Variants in B4GALT7 observed in about 807,000 individuals in gnomAD.
B4GALT7 encodes the protein beta-1,4-galactosyltransferase 7.
Under a neutral mutation model 33.0 loss-of-function variants are expected in B4GALT7, and 30 were observed. The observed-to-expected ratio is 0.91, with a 90% confidence interval of 0.68 to 1.23. The LOEUF (loss-of-function observed/expected upper bound fraction) is 1.23, where lower values mean the gene tolerates loss of function less well. Among genes scored for constraint, B4GALT7 ranks in the 50% most tolerant of loss-of-function variants. The pLI is 0.00. For synonymous variants in B4GALT7, 213 were observed against 187.2 expected, an observed-to-expected ratio of 1.14 and a Z score of -1.13; for missense variants, 507 against 450.8, an observed-to-expected ratio of 1.12 and a Z score of -1.13.
At chr5:177,609,284 G>C (rs1047516820) in intron 5 of B4GALT7, among the ~76,000 whole-genome samples, 2 of 152,186 alleles carry the variant, frequency 1.3e-5, no homozygotes, top group Non-Finnish European at 2.9e-5. Flanking sequence ...CAGAATCCCA[G>C]CCACACCCGG....
chr5:177,604,999 A>G (rs370279736), intron 2 of B4GALT7: 1 of 456,076 alleles, frequency 2.2e-6, no homozygotes, highest in East Asian at 7.0e-5. Flanking sequence ...TTCCATGACC[A>G]CAGCCTGAGA....
At position 177,608,498 on chromosome 5, in the gene B4GALT7, C is replaced by CCCA. The variant is rs1768080677; in HGVS notation, c.640-41_640-40insCCA. The CCCA allele has an allele frequency of 6.4e-7, 1 of 1,568,082 alleles. No individual in the cohort carries two copies. The highest frequency in any genetic ancestry group is 1.7e-5 in the Admixed American group (1 of 59,364). ...GTAGGAGACCAAAGGCCCCCCCCCC[C>CCCA]GGGAAGATGGGCCGAGTGACGCTGC... On this transcript the variant is annotated intron_variant, in intron 3 of 5. Coordinates refer to ENST00000029410, the MANE Select transcript of B4GALT7 (RefSeq NM_007255.3). The surrounding 1 kb of genome is among the most constrained non-coding windows in gnomAD (Gnocchi z 4.1).
In B4GALT7 at chr5:177,608,809, C is replaced by T; in HGVS notation, c.724-101C>T. On this transcript the variant is annotated intron_variant, in intron 4 of 5. Coordinates refer to ENST00000029410, the MANE Select transcript of B4GALT7 (RefSeq NM_007255.3). The surrounding 1 kb of genome is among the most constrained non-coding windows in gnomAD (Gnocchi z 4.1). ...GGGCCCCAGTCTCCTCTCCTGCAGG[C>T]TGGGAGTGCAGGTCCCTTCCTGTGG... The T allele has an allele frequency of 8.4e-7, 1 of 1,196,292 alleles. No homozygotes were observed. The highest frequency in any genetic ancestry group is 2.3e-5 in the East Asian group (1 of 42,610). The allele number at this position is 1,196,292 out of a possible 1,614,324, so 74.1% of individuals were successfully genotyped here. A position where few individuals can be genotyped will look rare whatever the true frequency, so the allele number is the denominator to read the frequency against.
At chr5:177,605,089 C>T (rs1041812421) in intron 2 of B4GALT7, 25 of 454,800 alleles carry the variant, frequency 5.5e-5, no homozygotes, top group African/African-American at 4.0e-4. Flanking sequence ...CCAGCCTGAT[C>T]TTCCCACCTT....
In B4GALT7 at chr5:177,606,327, GC is replaced by G. The variant is rs1561815063; in HGVS notation, c.414-971del. On this transcript the variant is annotated intron_variant, in intron 2 of 5. Transcript: ENST00000029410. The surrounding 1 kb of genome is among the most constrained non-coding windows in gnomAD (Gnocchi z 4.2). ...AGCTGAATTGCTGGTGGCCTGCCCT[GC>G]CCCAAACCTGTAGCTCTGTCCTCTT... 6.6e-6 allele frequency: 1 copy of G among 152,484 alleles called. No homozygotes were observed. The highest frequency in any genetic ancestry group is 6.5e-5 in the Admixed American group (1 of 15,282). The allele number at this position is 152,484 out of a possible 1,614,324, so 9.4% of individuals were successfully genotyped here.
intron 1 of B4GALT7, among the ~76,000 whole-genome samples, chr5:177,603,818 A>G (rs1461127846): frequency 1.3e-5 from 2 of 152,074 alleles, no homozygotes; most frequent in African/African-American, 4.8e-5. Context: ...TTGAGCCACT[A>G]TCGTGGGGAG....
rs1345118367 is a variant in B4GALT7 at position 177,600,410 on chromosome 5, T to C, written c.50+150T>C. On this transcript the variant is annotated intron_variant, in intron 1 of 5. Coordinates refer to ENST00000029410, the MANE Select transcript of B4GALT7 (RefSeq NM_007255.3). The surrounding 1 kb of genome is among the most constrained non-coding windows in gnomAD (Gnocchi z 4.4). ...GGTTCTCCCTGTGGGTCCCTGGCGCTCTGTTCCGGTTTCTGTCTGTCCCTG... is the reference window on the plus strand; with the variant it reads ...GGTTCTCCCTGTGGGTCCCTGGCGCCCTGTTCCGGTTTCTGTCTGTCCCTG... 1 of 574,466 alleles carries C rather than the reference T, an allele frequency of 1.7e-6. No homozygotes were observed. The highest frequency in any genetic ancestry group is 2.6e-6 in the Non-Finnish European group (1 of 390,030). The allele number at this position is 574,466 out of a possible 1,614,324, so 35.6% of individuals were successfully genotyped here. A position where few individuals can be genotyped will look rare whatever the true frequency, so the allele number is the denominator to read the frequency against.
intron 2 of B4GALT7, 136 bp downstream of exon 2, chr5:177,604,677 C>G: frequency 8.6e-7 from 1 of 1,163,050 alleles, no homozygotes; most frequent in Non-Finnish European, 1.2e-6. Context: ...TGACAGGAAC[C>G]TTTGGAGAGG....
In B4GALT7 at chr5:177,604,464, GC is replaced by G; in HGVS notation, c.340del (p.His114ThrfsTer6). On this transcript the variant is annotated frameshift_variant, in exon 2 of 6. Coordinates refer to ENST00000029410, the MANE Select transcript of B4GALT7 (RefSeq NM_007255.3). LOFTEE classifies it high-confidence loss of function. The stretch of plus-strand genomic sequence containing the variant: ...GCTTCGAGGAGCTCCTGGTCTTCGT[GC>G]CCCACATGCGCCGCTTCCTGAGCAG... The part of the protein sequence containing the change: ...ERFEELLVFV[P>X]HMRRFLSRKK... The G allele has an allele frequency of 6.2e-7, 1 of 1,613,998 alleles. No individual in the cohort carries two copies. The highest frequency in any genetic ancestry group is 2.2e-5 in the East Asian group (1 of 44,880).
rs149484064 is a variant in B4GALT7 at position 177,607,451 on chromosome 5, C to G, written c.563C>G (p.Pro188Arg). 1.3e-4 allele frequency: 203 copies of G among 1,613,742 alleles called. 1 individual carries two copies. The highest frequency in any genetic ancestry group is 1.6e-4 in the Non-Finnish European group (193 of 1,180,046). The change falls in exon 3 of 6, where the codon CCG becomes CGG. Residue 188 changes from proline (P) to arginine (R), a missense_variant. Physicochemically the swap from Pro to Arg is moderately radical, Grantham distance 103. Transcript: ENST00000029410. Reference sequence around the variant, plus strand: ...GCTGGGCCCTTCCACGTGGCCTCCCCGGAGCTCCACCCTCTCTACCACTAC... The same window carrying G: ...GCTGGGCCCTTCCACGTGGCCTCCCGGGAGCTCCACCCTCTCTACCACTAC... ...PEAGPFHVAS[P>R]ELHPLYHYKT...
Position 177,608,513 on chromosome 5 carries a change from A to T in B4GALT7, c.640-26A>T. On this transcript the variant is annotated intron_variant, in intron 3 of 5. Coordinates refer to ENST00000029410, the MANE Select transcript of B4GALT7 (RefSeq NM_007255.3). This position sits in a 1 kb window ranked among gnomAD's most constrained non-coding sequence, Gnocchi z 4.1. ...CCCCCCCCCCCGGGAAGATGGGCCGAGTGACGCTGCTTGTCTCTGTGTCAG... is the reference window on the plus strand; with the variant it reads ...CCCCCCCCCCCGGGAAGATGGGCCGTGTGACGCTGCTTGTCTCTGTGTCAG... 3.3e-6 allele frequency: 5 copies of T among 1,516,694 alleles called. No homozygotes were observed. Among genetic ancestry groups the T allele is most frequent in the African/African-American group, 1.4e-5 (1 of 70,994 alleles). The allele number at this position is 1,516,694 out of a possible 1,614,324, so 94.0% of individuals were successfully genotyped here. A position where few individuals can be genotyped will look rare whatever the true frequency, so the allele number is the denominator to read the frequency against.
Position 177,609,005 on chromosome 5 carries a change from TC to T in B4GALT7, c.820del (p.Gln274LysfsTer14), listed in dbSNP as rs1381086220. The T allele has an allele frequency of 6.2e-7, 1 of 1,611,132 alleles. No individual in the cohort carries two copies. The highest frequency in any genetic ancestry group is 8.5e-7 in the Non-Finnish European group (1 of 1,179,762). Reference protein sequence around the residue: ...RKRDQKRIAAQKQEQFKVDRE... With the variant: ...RKRDQKRIAAXKQEQFKVDRE... ...AGAGGGACCAGAAGCGCATCGCAGC[TC>T]AAAAACAGGTGCTGGCAGGGCTCCT... On this transcript the variant is annotated frameshift_variant, in exon 5 of 6. Coordinates refer to ENST00000029410, the MANE Select transcript of B4GALT7 (RefSeq NM_007255.3). LOFTEE classifies it high-confidence loss of function.
chr5:177,600,730 CCT>C lies in B4GALT7; in HGVS notation c.50+472_50+473del, dbSNP rs147714273. 5.3e-3 allele frequency among the ~76,000 whole-genome samples: 800 copies of C among 152,236 alleles called. 9 individuals are homozygous for C. Among genetic ancestry groups the C allele is most frequent in the African/African-American group, 0.019 (775 of 41,532 alleles). On this transcript the variant is annotated intron_variant, in intron 1 of 5. Coordinates refer to ENST00000029410, the MANE Select transcript of B4GALT7 (RefSeq NM_007255.3). This position sits in a 1 kb window ranked among gnomAD's most constrained non-coding sequence, Gnocchi z 4.4. ...ATTCCGTTTCTCTGGTCTCTGCCTT[CCT>C]CATCACATCCATATAGCCTCAGACC...
In B4GALT7 at chr5:177,604,509, C is replaced by A; in HGVS notation, c.381C>A (p.His127Gln). 6.2e-7 allele frequency: 1 copy of A among 1,613,914 alleles called. No homozygotes were observed. The highest frequency in any genetic ancestry group is 1.1e-5 in the South Asian group (1 of 91,092). ...TGAGCAGGAAGAAGATCCGGCACCACATCTACGTGCTCAACCAGGTGGACC... is the reference window on the plus strand; with the variant it reads ...TGAGCAGGAAGAAGATCCGGCACCAAATCTACGTGCTCAACCAGGTGGACC... ...RFLSRKKIRH[H>Q]IYVLNQVDHF... Residue 127 changes from histidine to glutamine, a missense_variant, in exon 2 of 6, where the codon CAC becomes CAA. Coordinates refer to ENST00000029410, the MANE Select transcript of B4GALT7 (RefSeq NM_007255.3).
intron 5 of B4GALT7, 65 bp downstream of exon 5, chr5:177,609,079 T>C: frequency 7.0e-7 from 1 of 1,424,710 alleles, no homozygotes. Context: ...AGGCCCGGGC[T>C]TTCACCAAGT....
Position 177,609,976 on chromosome 5 carries a change from CCTT to C in B4GALT7, c.*283_*285del, listed in dbSNP as rs1166067939. 4.0e-6 allele frequency: 2 copies of C among 498,066 alleles called. No homozygotes were observed. Among genetic ancestry groups the C allele is most frequent in the Non-Finnish European group, 7.4e-6 (2 of 271,346 alleles). The allele number at this position is 498,066 out of a possible 1,614,324, so 30.9% of individuals were successfully genotyped here. A position where few individuals can be genotyped will look rare whatever the true frequency, so the allele number is the denominator to read the frequency against. ...CTTCCTGCTCACCCTACTCTGACCT[CCTT>C]CACGTGCCCAGGCCTGTGGGTAGTG... On this transcript the variant is annotated 3_prime_UTR_variant, in exon 6 of 6. Transcript: ENST00000029410.
chr5:177,607,002 C>T (rs547151255), intron 2 of B4GALT7: 5 of 474,060 alleles, frequency 1.1e-5, no homozygotes, highest in South Asian at 6.1e-5. Context: ...CCCCCCAGCA[C>T]GAACCACTGC....
Position 177,602,821 on chromosome 5 carries a change from C to T in B4GALT7, c.51-1358C>T, listed in dbSNP as rs935216604. ...ATTCAGAAGACTGAAGGGGTCTGAGCAGGGCAAGGAACAGATGAGTGAGGA... is the reference window on the plus strand; with the variant it reads ...ATTCAGAAGACTGAAGGGGTCTGAGTAGGGCAAGGAACAGATGAGTGAGGA... On this transcript the variant is annotated intron_variant, in intron 1 of 5. Coordinates refer to ENST00000029410, the MANE Select transcript of B4GALT7 (RefSeq NM_007255.3). The T allele has an allele frequency of 1.0e-5, 10 of 983,540 alleles. No individual in the cohort carries two copies. In the African/African-American group the frequency reaches 1.8e-4, roughly 17 times the overall value. 60.9% of individuals were successfully genotyped at this position (983,540 alleles called of 1,614,324 possible).
In B4GALT7 at chr5:177,608,487, G is replaced by GCCCC. The variant is rs71585644; in HGVS notation, c.640-44_640-41dup. 94 of 1,323,444 alleles carry GCCCC rather than the reference G, an allele frequency of 7.1e-5. 3 individuals are homozygous for GCCCC. In the African/African-American group the frequency reaches 1.3e-3, roughly 18 times the overall value. The allele number at this position is 1,323,444 out of a possible 1,614,324, so 82.0% of individuals were successfully genotyped here. A position where few individuals can be genotyped will look rare whatever the true frequency, so the allele number is the denominator to read the frequency against. The stretch of plus-strand genomic sequence containing the variant: ...ACTCCCGAGCGGTAGGAGACCAAAG[G>GCCCC]CCCCCCCCCCCGGGAAGATGGGCCG... On this transcript the variant is annotated intron_variant, in intron 3 of 5. Transcript: ENST00000029410. This position sits in a 1 kb window ranked among gnomAD's most constrained non-coding sequence, Gnocchi z 4.1.
Sources: allele counts gnomAD v4.1 joint callset (sites outside exome capture counted in the v4.1 genomes callset), GRCh38; gene constraint gnomAD v4.1.1; non-coding constraint Gnocchi (gnomAD v3.1); transcripts MANE v1.5; gene names NCBI Gene and HGNC (gene_info 2026-07-23, HGNC 2026-07-21).